PDE1A: variants seen among roughly 807,000 people sequenced by gnomAD.
PDE1A encodes the protein phosphodiesterase 1A, also known as dual specificity calcium/calmodulin-dependent 3',5'-cyclic nucleotide phosphodiesterase 1A.
Under a neutral mutation model 61.7 loss-of-function variants are expected in PDE1A, and 35 were observed. The ratio of observed to expected loss-of-function variants is 0.57; its 90% CI spans 0.43 to 0.75. The LOEUF (loss-of-function observed/expected upper bound fraction) is 0.75, where lower values mean the gene tolerates loss of function less well. Among genes scored for constraint, PDE1A ranks in the 30% least tolerant of loss-of-function variants. PDE1A has a pLI of 0.00. For missense variants in PDE1A, 597 were observed against 630.6 expected, an observed-to-expected ratio of 0.95 and a Z score of 0.57; for synonymous variants, 232 against 213.2, an observed-to-expected ratio of 1.09 and a Z score of -0.77.
the PDE1A span, among the ~76,000 whole-genome samples, chr2:182,664,192 G>C: frequency 6.6e-6 from 1 of 152,110 alleles, no homozygotes; most frequent in Non-Finnish European, 1.5e-5. Context: ...TGTATAGTTT[G>C]GTGCAAATCA....
the PDE1A span, among the ~76,000 whole-genome samples, chr2:182,543,280 T>C: frequency 6.6e-6 from 1 of 152,230 alleles, no homozygotes; most frequent in African/African-American, 2.4e-5. Flanking sequence ...GGAAATGAAA[T>C]AAAACATACA....
At chr2:182,300,329 G>A (rs984290056) in intron 1 of PDE1A, among the ~76,000 whole-genome samples, 1 of 152,110 alleles carries the variant, frequency 6.6e-6, no homozygotes, top group African/African-American at 2.4e-5. Context: ...TGGCTTCATG[G>A]GAAGTTCCAT....
intron 2 of PDE1A, among the ~76,000 whole-genome samples, chr2:182,450,881 G>A (rs1404852562): frequency 4.6e-5 from 7 of 151,870 alleles, no homozygotes; most frequent in Non-Finnish European, 5.9e-5. Context: ...TTGTTGTATC[G>A]GTTTCTGAAA....
upstream of PDE1A, among the ~76,000 whole-genome samples, chr2:182,525,798 T>C (rs1271585688): frequency 6.6e-6 from 1 of 152,212 alleles, no homozygotes; most frequent in Non-Finnish European, 1.5e-5. Flanking sequence ...TTTAATTCTT[T>C]AGCCAGTAAG....
intron 1 of PDE1A, among the ~76,000 whole-genome samples, chr2:182,342,670 G>A (rs374929563): frequency 3.9e-5 from 6 of 152,190 alleles, no homozygotes; most frequent in East Asian, 3.8e-4. Context: ...GCAACAAAGC[G>A]AGACTCCGTC....
At chr2:182,440,893 AC>A (rs1684748809) in intron 2 of PDE1A, among the ~76,000 whole-genome samples, 1 of 152,104 alleles carries the variant, frequency 6.6e-6, no homozygotes, top group South Asian at 2.1e-4. Flanking sequence ...CTGAGTAATA[AC>A]AGTCTTCCTT....
chr2:182,260,078 T>A (rs1319007704), intron 2 of PDE1A, among the ~76,000 whole-genome samples: 1 of 152,228 alleles, frequency 6.6e-6, no homozygotes, highest in African/African-American at 2.4e-5. Flanking sequence ...TTTTTATTTT[T>A]CTCACCAAAA....
chr2:182,265,233 C>T (rs186550448), intron 1 of PDE1A, among the ~76,000 whole-genome samples: 1 of 151,536 alleles, frequency 6.6e-6, no homozygotes, highest in Non-Finnish European at 1.5e-5. Flanking sequence ...CCAGAAACCA[C>T]CTGTACCCCC....
intron 7 of PDE1A, among the ~76,000 whole-genome samples, chr2:182,208,043 G>A (rs1432295268): frequency 1.3e-5 from 2 of 152,242 alleles, no homozygotes; most frequent in African/African-American, 4.8e-5. Flanking sequence ...TATCCAGGAA[G>A]AAGTCTGCTG....
At chr2:182,678,875 G>A in the PDE1A span, among the ~76,000 whole-genome samples, 6 of 152,004 alleles carry the variant, frequency 3.9e-5, no homozygotes, top group East Asian at 1.2e-3. Flanking sequence ...ACTTTCTAAT[G>A]TTTCATTGCA....
the PDE1A span, among the ~76,000 whole-genome samples, chr2:182,715,704 T>C: frequency 6.6e-6 from 1 of 152,186 alleles, no homozygotes; most frequent in Admixed American, 6.5e-5. Context: ...CCAGAAAATA[T>C]TGTAGAAGTC....
At chr2:182,205,658 G>C (rs1687039841) in intron 8 of PDE1A, among the ~76,000 whole-genome samples, 1 of 152,148 alleles carries the variant, frequency 6.6e-6, no homozygotes, top group Admixed American at 6.5e-5. Flanking sequence ...CCATTCCAGA[G>C]AGTGTGTAAT....
chr2:182,435,832 C>T (rs188882863), intron 2 of PDE1A, among the ~76,000 whole-genome samples: 14 of 152,112 alleles, frequency 9.2e-5, no homozygotes, highest in Admixed American at 6.6e-4. Context: ...ATTGGATTAG[C>T]AATTTTTTTA....
At chr2:182,277,622 A>G (rs1057115390) in intron 1 of PDE1A, among the ~76,000 whole-genome samples, 4 of 152,052 alleles carry the variant, frequency 2.6e-5, no homozygotes, top group Admixed American at 6.6e-5. Context: ...ACATAAAATA[A>G]TGTACTAAAC....
At chr2:182,335,794 G>A (rs1252093241) in intron 1 of PDE1A, among the ~76,000 whole-genome samples, 1 of 152,152 alleles carries the variant, frequency 6.6e-6, no homozygotes, top group Non-Finnish European at 1.5e-5. Context: ...AAGAGCTGCT[G>A]CATAGCAAAA....
At chr2:182,697,393 G>A in the PDE1A span, among the ~76,000 whole-genome samples, 1 of 152,138 alleles carries the variant, frequency 6.6e-6, no homozygotes, top group African/African-American at 2.4e-5. Context: ...TTATTTCAAA[G>A]ACTATTTGTG....
intron 1 of PDE1A, among the ~76,000 whole-genome samples, chr2:182,349,261 A>G (rs1698711575): frequency 6.6e-6 from 1 of 152,198 alleles, no homozygotes; most frequent in Admixed American, 6.6e-5. Context: ...TACCATAAAT[A>G]AACAGGATAA....
At chr2:182,568,412 C>T in the PDE1A span, among the ~76,000 whole-genome samples, 1 of 152,232 alleles carries the variant, frequency 6.6e-6, no homozygotes, top group African/African-American at 2.4e-5. Flanking sequence ...GGCGCGGTGG[C>T]TCACGCCTGT....
the PDE1A span, among the ~76,000 whole-genome samples, chr2:182,635,947 A>ATTTTT: frequency 6.3e-4 from 35 of 55,284 alleles, 5 homozygotes; most frequent in African/African-American, 1.9e-3. Context: ...TCTCACCGGT[A>ATTTTT]TTTTTTTTTT....
Sources: allele counts gnomAD v4.1 joint callset (sites outside exome capture counted in the v4.1 genomes callset), GRCh38; gene constraint gnomAD v4.1.1; transcripts MANE v1.5; gene names NCBI Gene and HGNC (gene_info 2026-07-23, HGNC 2026-07-21).